CTNNA2: variants seen among roughly 807,000 people sequenced by gnomAD.
The protein encoded by CTNNA2 is catenin alpha 2.
CTNNA2 carries 42 observed loss-of-function variants against 101.0 expected under a neutral mutation model. The ratio of observed to expected loss-of-function variants is 0.42; its 90% CI spans 0.32 to 0.54. The LOEUF (loss-of-function observed/expected upper bound fraction) is 0.54, where lower values mean the gene tolerates loss of function less well. CTNNA2 is among the 20% of genes least tolerant of loss of function. The pLI is 0.14. For missense variants in CTNNA2, 871 were observed against 1,223.1 expected, an observed-to-expected ratio of 0.71 and a Z score of 4.29; for synonymous variants, 450 against 456.4, an observed-to-expected ratio of 0.99 and a Z score of 0.18.
At chr2:80,534,136 G>A (rs1324661144) in intron 9 of CTNNA2, among the ~76,000 whole-genome samples, 2 of 152,080 alleles carry the variant, frequency 1.3e-5, no homozygotes, top group African/African-American at 2.4e-5. Context: ...ATTTGCTAGT[G>A]GTGTGTGTAT....
intron 1 of CTNNA2, among the ~76,000 whole-genome samples, chr2:79,537,964 A>G (rs1221068744): frequency 6.6e-6 from 1 of 152,130 alleles, no homozygotes; most frequent in Non-Finnish European, 1.5e-5. Context: ...TCATTTAGCG[A>G]ATATGAACAT....
intron 3 of CTNNA2, among the ~76,000 whole-genome samples, chr2:79,762,142 T>C (rs1205741336): frequency 6.6e-6 from 1 of 152,202 alleles, no homozygotes; most frequent in Non-Finnish European, 1.5e-5. Context: ...TCAAATTTGA[T>C]GTTCTCTAAT....
chr2:79,897,060 A>C (rs1320649900), intron 6 of CTNNA2, among the ~76,000 whole-genome samples: 1 of 152,156 alleles, frequency 6.6e-6, no homozygotes, highest in Non-Finnish European at 1.5e-5. Flanking sequence ...TTTTTACACA[A>C]TGCTTGCTGA....
chr2:80,187,325 A>C (rs776949849), intron 7 of CTNNA2, among the ~76,000 whole-genome samples: 44 of 152,208 alleles, frequency 2.9e-4, no homozygotes, highest in Non-Finnish European at 5.9e-4. Flanking sequence ...ATAACGTAGG[A>C]GGAGGGAGGT....
At chr2:79,881,903 G>T (rs779870187) in intron 6 of CTNNA2, among the ~76,000 whole-genome samples, 1 of 149,748 alleles carries the variant, frequency 6.7e-6, no homozygotes, top group South Asian at 2.2e-4. Flanking sequence ...TCATAGAGTC[G>T]TTGGCCTTTA....
chr2:79,250,641 C>T (rs909460595), intron 2 of CTNNA2, among the ~76,000 whole-genome samples: 10 of 152,142 alleles, frequency 6.6e-5, no homozygotes, highest in African/African-American at 2.4e-4. Context: ...ATATCTGCTA[C>T]ATATCTGGTT....
At chr2:79,607,261 G>C (rs1486339646) in intron 1 of CTNNA2, among the ~76,000 whole-genome samples, 2 of 152,118 alleles carry the variant, frequency 1.3e-5, no homozygotes, top group East Asian at 3.9e-4. Context: ...AGAATATGTG[G>C]CACATAAACT....
intron 7 of CTNNA2, among the ~76,000 whole-genome samples, chr2:80,271,550 T>C (rs1673485870): frequency 6.6e-6 from 1 of 151,872 alleles, no homozygotes; most frequent in Non-Finnish European, 1.5e-5. Flanking sequence ...GCCTCCCGAG[T>C]AGCTGGGACT....
At chr2:80,074,848 AAAT>A (rs2148787404) in intron 7 of CTNNA2, among the ~76,000 whole-genome samples, 1 of 152,278 alleles carries the variant, frequency 6.6e-6, no homozygotes, top group Admixed American at 6.5e-5. Flanking sequence ...TAAGCCTTAC[AAAT>A]ATCTTAGTGA....
intron 4 of CTNNA2, among the ~76,000 whole-genome samples, chr2:79,862,115 A>C (rs1336420538): frequency 6.6e-6 from 1 of 152,226 alleles, no homozygotes; most frequent in Non-Finnish European, 1.5e-5. Flanking sequence ...AGGACACATA[A>C]ACTCATGTAG....
chr2:79,288,112 A>G (rs1400104262), intron 2 of CTNNA2, among the ~76,000 whole-genome samples: 1 of 152,168 alleles, frequency 6.6e-6, no homozygotes, highest in Non-Finnish European at 1.5e-5. Flanking sequence ...CACCTCGCGC[A>G]TGGTGCGCGC....
chr2:79,798,221 A>G (rs1675872409), intron 3 of CTNNA2, among the ~76,000 whole-genome samples: 1 of 152,206 alleles, frequency 6.6e-6, no homozygotes, highest in Non-Finnish European at 1.5e-5. Context: ...ATGTCTCCAC[A>G]TCAGGGAACA....
intron 3 of CTNNA2, among the ~76,000 whole-genome samples, chr2:79,822,851 A>G (rs983357181): frequency 3.3e-5 from 5 of 152,196 alleles, no homozygotes; most frequent in African/African-American, 7.2e-5. Context: ...CTATAAGGCC[A>G]TATATGATCT....
chr2:80,161,867 T>C (rs541686630), intron 7 of CTNNA2, among the ~76,000 whole-genome samples: 6 of 128,976 alleles, frequency 4.7e-5, no homozygotes, highest in Non-Finnish European at 8.6e-5. Context: ...AATTTTAGAA[T>C]GAAACAGTAT....
At chr2:80,064,599 C>T (rs76472910) in intron 7 of CTNNA2, among the ~76,000 whole-genome samples, 2,069 of 152,228 alleles carry the variant, frequency 0.014, 46 homozygotes, top group African/African-American at 0.046. Context: ...TTGGCCTAGT[C>T]GCATGACTGG....
At chr2:79,200,222 A>G (rs576296853) in intron 2 of CTNNA2, among the ~76,000 whole-genome samples, 34 of 152,292 alleles carry the variant, frequency 2.2e-4, no homozygotes, top group African/African-American at 7.5e-4. Context: ...CACCTCTACT[A>G]AAAATACAAA....
chr2:79,341,089 C>T (rs2104428646), intron 3 of CTNNA2, among the ~76,000 whole-genome samples: 1 of 151,782 alleles, frequency 6.6e-6, no homozygotes, highest in East Asian at 1.9e-4. Flanking sequence ...TTATTAATTC[C>T]ATCGTATAGA....
chr2:79,513,968 G>A (rs945115772), intron 1 of CTNNA2, among the ~76,000 whole-genome samples: 1 of 152,062 alleles, frequency 6.6e-6, no homozygotes, highest in Admixed American at 6.6e-5. Flanking sequence ...GGTGGCAGTG[G>A]AAGCTTGTGT....
At chr2:79,675,291 T>C (rs75275974) in intron 2 of CTNNA2, among the ~76,000 whole-genome samples, 2,614 of 152,304 alleles carry the variant, frequency 0.017, 80 homozygotes, top group African/African-American at 0.059. Context: ...TGATTCAAAT[T>C]GTACAAAACC....
Sources: gnomAD v4.1 joint callset for allele counts (sites outside exome capture counted in the v4.1 genomes callset) on GRCh38, gnomAD v4.1.1 for gene constraint, MANE v1.5 for transcripts, NCBI Gene and HGNC (gene_info 2026-07-23, HGNC 2026-07-21) for gene names.